Variants in CHSY3 observed in about 807,000 individuals in gnomAD.
CHSY3 encodes the protein chondroitin sulfate synthase 3, also known as N-acetylgalactosaminyl-proteoglycan 3-beta-glucuronosyltransferase 3.
Under a neutral mutation model 67.2 loss-of-function variants are expected in CHSY3, and 35 were observed. The ratio of observed to expected loss-of-function variants is 0.52; its 90% CI spans 0.40 to 0.69. The LOEUF (loss-of-function observed/expected upper bound fraction) is 0.69, where lower values mean the gene tolerates loss of function less well. Ranked by LOEUF, CHSY3 falls within the 30% of genes least tolerant of loss-of-function variation. The pLI, the probability that CHSY3 is intolerant of heterozygous loss-of-function variation, is 0.00. For missense variants in CHSY3, 1,069 were observed against 1,138.5 expected, an observed-to-expected ratio of 0.94 and a Z score of 0.88; for synonymous variants, 474 against 434.7, an observed-to-expected ratio of 1.09 and a Z score of -1.12.
At chr5:130,063,098 T>A (rs1765765721) in intron 2 of CHSY3, among the ~76,000 whole-genome samples, 1 of 152,148 alleles carries the variant, frequency 6.6e-6, no homozygotes, top group Non-Finnish European at 1.5e-5. Context: ...TATTTTTTGA[T>A]TTTTAAATTT....
chr5:130,164,029 G>T (rs546304108), intron 2 of CHSY3, among the ~76,000 whole-genome samples: 14 of 152,128 alleles, frequency 9.2e-5, no homozygotes, highest in Non-Finnish European at 1.6e-4. Context: ...TCAAGTGAAC[G>T]ACTACTTGGA....
chr5:130,139,445 G>A (rs879920402), intron 2 of CHSY3, among the ~76,000 whole-genome samples: 2 of 152,220 alleles, frequency 1.3e-5, no homozygotes, highest in Non-Finnish European at 2.9e-5. Flanking sequence ...CCAGATTAGA[G>A]TATGTATGAT....
intron 2 of CHSY3, among the ~76,000 whole-genome samples, chr5:130,077,804 T>C (rs1380116367): frequency 6.6e-6 from 1 of 150,852 alleles, no homozygotes; most frequent in East Asian, 1.9e-4. Flanking sequence ...TGTGTGTATA[T>C]ATATATACAC....
chr5:129,945,798 C>A (rs904784195), intron 2 of CHSY3, among the ~76,000 whole-genome samples: 1 of 152,056 alleles, frequency 6.6e-6, no homozygotes, highest in Non-Finnish European at 1.5e-5. Flanking sequence ...GATTCTGTTT[C>A]TTTTCTTATG....
chr5:130,070,238 G>C (rs1313147139), intron 2 of CHSY3, among the ~76,000 whole-genome samples: 1 of 152,048 alleles, frequency 6.6e-6, no homozygotes, highest in Non-Finnish European at 1.5e-5. Context: ...AAATAAGTTT[G>C]TATTATTTCA....
chr5:130,141,429 G>T (rs1180598251), intron 2 of CHSY3: 2 of 363,308 alleles, frequency 5.5e-6, no homozygotes, highest in East Asian at 6.6e-5. Context: ...GCATCCCATG[G>T]TGTTCCTTTG....
intron 2 of CHSY3, among the ~76,000 whole-genome samples, chr5:130,100,511 A>G (rs1248428146): frequency 1.3e-5 from 2 of 152,138 alleles, no homozygotes; most frequent in Admixed American, 1.3e-4. Context: ...ATACACACCT[A>G]TTTATCAAAG....
intron 2 of CHSY3, among the ~76,000 whole-genome samples, chr5:130,058,996 G>A (rs1464807945): frequency 6.6e-6 from 1 of 152,126 alleles, no homozygotes; most frequent in Admixed American, 6.5e-5. Context: ...TTGATTTTTT[G>A]TATGGGTCAA....
At chr5:129,972,438 G>A (rs1319386869) in intron 2 of CHSY3, among the ~76,000 whole-genome samples, 1 of 151,966 alleles carries the variant, frequency 6.6e-6, no homozygotes, top group African/African-American at 2.4e-5. Context: ...ATAGATATAT[G>A]TATGTATATG....
intron 2 of CHSY3, among the ~76,000 whole-genome samples, chr5:129,934,007 A>T (rs1050987433): frequency 6.6e-6 from 1 of 152,086 alleles, no homozygotes; most frequent in Non-Finnish European, 1.5e-5. Context: ...CTTTGACCTA[A>T]CAATGCCACT....
Position 130,122,751 on chromosome 5 carries a change from T to A in CHSY3, c.1087-61478T>A, listed in dbSNP as rs546999409. Among the ~76,000 whole-genome samples, 27 of 152,296 alleles carry A rather than the reference T, an allele frequency of 1.8e-4. No individual in the cohort carries two copies. The South Asian group carries it at 5.2e-3, about 29-fold the overall frequency. On this transcript the variant is annotated intron_variant, in intron 2 of 2. Transcript: ENST00000305031. ...AATATTTAACAATTAAAAAAGAAAA[T>A]CTTATCGTCAGCCAGGAATAAGCTT...
At chr5:130,139,326 T>G (rs917156885) in intron 2 of CHSY3, among the ~76,000 whole-genome samples, 2 of 152,162 alleles carry the variant, frequency 1.3e-5, no homozygotes, top group Non-Finnish European at 2.9e-5. Flanking sequence ...AAGAGAGAAG[T>G]AGAAATTACA....
intron 2 of CHSY3, among the ~76,000 whole-genome samples, chr5:129,928,172 A>G (rs1294865109): frequency 6.6e-6 from 1 of 150,508 alleles, no homozygotes; most frequent in African/African-American, 2.4e-5. Flanking sequence ...TTCATTTGTT[A>G]TCTTTCCTGA....
chr5:129,932,757 C>A (rs1052056757), intron 2 of CHSY3, among the ~76,000 whole-genome samples: 5 of 147,988 alleles, frequency 3.4e-5, no homozygotes, highest in African/African-American at 1.2e-4. Context: ...AAGAGAAAGT[C>A]TTTTTTTTTT....
At chr5:130,011,502 C>T (rs1342589855) in intron 2 of CHSY3, among the ~76,000 whole-genome samples, 2 of 152,122 alleles carry the variant, frequency 1.3e-5, no homozygotes, top group African/African-American at 4.8e-5. Context: ...CTATTACAAA[C>T]CAACAGCCAA....
chr5:129,976,582 A>G (rs899724055), intron 2 of CHSY3, among the ~76,000 whole-genome samples: 2 of 152,106 alleles, frequency 1.3e-5, no homozygotes, highest in Non-Finnish European at 2.9e-5. Context: ...CTTTTCATGA[A>G]TTTGTATTCC....
intron 2 of CHSY3, among the ~76,000 whole-genome samples, chr5:129,943,166 A>G (rs1198649073): frequency 6.6e-6 from 1 of 152,104 alleles, no homozygotes; most frequent in African/African-American, 2.4e-5. Flanking sequence ...TTTCATTATC[A>G]TGAGCTAAGG....
chr5:129,931,831 C>T (rs553327859), intron 2 of CHSY3, among the ~76,000 whole-genome samples: 1 of 152,090 alleles, frequency 6.6e-6, no homozygotes, highest in South Asian at 2.1e-4. Flanking sequence ...AAGTCCTCCC[C>T]ATGGACTTCT....
chr5:129,907,985 A>G, intron 1 of CHSY3, 92 bp from the exon 2 acceptor site: 2 of 1,501,630 alleles, frequency 1.3e-6, no homozygotes, highest in Non-Finnish European at 1.8e-6. Context: ...GAGGATTTTA[A>G]GCACAATGTT....
Sources: gnomAD v4.1 joint callset for allele counts (sites outside exome capture counted in the v4.1 genomes callset) on GRCh38, gnomAD v4.1.1 for gene constraint, MANE v1.5 for transcripts, NCBI Gene and HGNC (gene_info 2026-07-23, HGNC 2026-07-21) for gene names.